The following UTRN variants were observed in gnomAD, a reference collection of about 807,000 sequenced individuals.
UTRN encodes dystrophin-related protein 1.
UTRN carries 283 observed loss-of-function variants against 463.9 expected under a neutral mutation model. The observed-to-expected ratio is 0.61, with a 90% CI of 0.55 to 0.67. The LOEUF (loss-of-function observed/expected upper bound fraction) is 0.67. Ranked by LOEUF, UTRN falls within the 30% of genes least tolerant of loss-of-function variation. UTRN has a pLI of 0.00. For synonymous variants in UTRN, 1,442 were observed against 1,431.5 expected, an observed-to-expected ratio of 1.01 and a Z score of -0.17; for missense variants, 3,922 against 4,084.3, an observed-to-expected ratio of 0.96 and a Z score of 1.08.
intron 65 of UTRN, among the ~76,000 whole-genome samples, chr6:144,816,632 T>A (rs1458288663): frequency 6.9e-6 from 1 of 144,904 alleles, no homozygotes; most frequent in African/African-American, 2.7e-5. Flanking sequence ...ATTTTATTTT[T>A]CTTTCTAGTT....
chr6:144,745,535 T>C (rs1163566505), intron 54 of UTRN, among the ~76,000 whole-genome samples: 1 of 152,210 alleles, frequency 6.6e-6, no homozygotes, highest in Non-Finnish European at 1.5e-5. Context: ...AGACAGATGG[T>C]GAATTGAACA....
intron 2 of UTRN, among the ~76,000 whole-genome samples, chr6:144,328,886 C>T (rs1163856645): frequency 2.6e-5 from 4 of 151,990 alleles, no homozygotes; most frequent in South Asian, 2.1e-4. Flanking sequence ...CAGGTTCAAG[C>T]GATTTTCCTG....
chr6:144,841,198 C>T (rs1307253710), intron 73 of UTRN, among the ~76,000 whole-genome samples: 2 of 152,206 alleles, frequency 1.3e-5, no homozygotes, highest in East Asian at 1.9e-4. Context: ...GCATGCCAAA[C>T]AAGGCATGGA....
intron 6 of UTRN, among the ~76,000 whole-genome samples, chr6:144,425,929 A>G (rs533404450): frequency 1.3e-5 from 2 of 152,226 alleles, no homozygotes; most frequent in Non-Finnish European, 2.9e-5. Flanking sequence ...TTTTGTAGAA[A>G]ATAAAATTTA....
At position 144,451,366 on chromosome 6, in the gene UTRN, A is replaced by G; in HGVS notation, c.2073-4A>G. The G allele has an allele frequency of 6.2e-7, 1 of 1,608,742 alleles. No homozygotes were observed. The highest frequency in any genetic ancestry group is 8.5e-7 in the Non-Finnish European group (1 of 1,178,164). ...CAAATGGTCACCTCTGAATCTTCAA[A>G]CAGGTTTGATGCTATAAGTGCAGAG... On this transcript the variant is annotated splice_region_variant and splice_polypyrimidine_tract_variant and intron_variant, in intron 17 of 74. Transcript: ENST00000367545.
intron 54 of UTRN, among the ~76,000 whole-genome samples, chr6:144,742,874 G>A (rs1057288018): frequency 2.0e-5 from 3 of 151,702 alleles, no homozygotes; most frequent in South Asian, 2.1e-4. Flanking sequence ...TTTCCTTTTC[G>A]TCTTTTGGTA....
chr6:144,574,201 AC>A (rs1801213962), intron 50 of UTRN, among the ~76,000 whole-genome samples: 1 of 152,226 alleles, frequency 6.6e-6, no homozygotes, highest in South Asian at 2.1e-4. Context: ...TGAGAAGTAA[AC>A]TGGGATCAAT....
intron 73 of UTRN, among the ~76,000 whole-genome samples, chr6:144,841,525 G>T (rs1781574391): frequency 6.6e-6 from 1 of 151,918 alleles, no homozygotes; most frequent in Non-Finnish European, 1.5e-5. Flanking sequence ...TGCAATTTTG[G>T]CTGAGCTCTC....
intron 2 of UTRN, among the ~76,000 whole-genome samples, chr6:144,346,069 T>C (rs534371973): frequency 6.6e-6 from 1 of 151,790 alleles, no homozygotes; most frequent in African/African-American, 2.4e-5. Flanking sequence ...TCCCAGCTAC[T>C]TGGGAGGCTG....
intron 39 of UTRN, 34 bp from the exon 40 acceptor site, chr6:144,521,936 GATATATATAT>G: frequency 1.2e-6 from 1 of 842,050 alleles, no homozygotes; most frequent in Non-Finnish European, 1.6e-6. Context: ...TATTTTAAGA[GATATATATAT>G]ATATATATAT....
intron 54 of UTRN, among the ~76,000 whole-genome samples, chr6:144,739,525 A>G (rs576010711): frequency 1.2e-4 from 18 of 152,112 alleles, no homozygotes; most frequent in Middle Eastern, 3.2e-3. Context: ...TGTTTTCCTC[A>G]CTAACAACTT....
chr6:144,836,079 G>C, intron 70 of UTRN, 141 bp downstream of exon 70: 2 of 1,423,522 alleles, frequency 1.4e-6, no homozygotes, highest in South Asian at 2.8e-5. Context: ...TTAACAAACT[G>C]GGATGCTGGC....
chr6:144,496,418 T>A (rs774191559), intron 33 of UTRN, among the ~76,000 whole-genome samples: 6 of 152,202 alleles, frequency 3.9e-5, no homozygotes, highest in Non-Finnish European at 7.3e-5. Flanking sequence ...AACACACACC[T>A]TAGAGCTTCT....
chr6:144,732,986 A>G (rs1176117059), intron 54 of UTRN, among the ~76,000 whole-genome samples: 15 of 152,180 alleles, frequency 9.9e-5, no homozygotes, highest in Admixed American at 9.8e-4. Flanking sequence ...TACAGCCATG[A>G]GCCACCGTGC....
chr6:144,782,396 G>A (rs571317514), intron 61 of UTRN, among the ~76,000 whole-genome samples: 1 of 152,066 alleles, frequency 6.6e-6, no homozygotes, highest in South Asian at 2.1e-4. Flanking sequence ...CAAAATGCTA[G>A]GGGAAACAAT....
intron 65 of UTRN, among the ~76,000 whole-genome samples, chr6:144,807,683 C>T (rs1413830284): frequency 2.0e-5 from 3 of 152,150 alleles, no homozygotes; most frequent in Non-Finnish European, 4.4e-5. Context: ...GTTTTACCCT[C>T]ATCAAAGCAC....
chr6:144,738,774 A>G (rs1789723552), intron 54 of UTRN, among the ~76,000 whole-genome samples: 1 of 152,230 alleles, frequency 6.6e-6, no homozygotes, highest in African/African-American at 2.4e-5. Context: ...TTTAAAAATT[A>G]TTCCAGTTAA....
intron 54 of UTRN, among the ~76,000 whole-genome samples, chr6:144,734,555 A>G (rs541131136): frequency 6.6e-6 from 1 of 152,260 alleles, no homozygotes; most frequent in Admixed American, 6.5e-5. Context: ...TGCTCGGGCT[A>G]AAATCCACTG....
intron 2 of UTRN, among the ~76,000 whole-genome samples, chr6:144,323,373 A>G (rs927635959): frequency 1.3e-5 from 2 of 152,166 alleles, no homozygotes; most frequent in East Asian, 3.8e-4. Context: ...TAATAGACAA[A>G]TTATTATCAT....
Sources: allele counts gnomAD v4.1 joint callset (sites outside exome capture counted in the v4.1 genomes callset), GRCh38; gene constraint gnomAD v4.1.1; transcripts MANE v1.5; gene names NCBI Gene and HGNC (gene_info 2026-07-23, HGNC 2026-07-21).